Variants in ZNF718 observed in about 807,000 individuals in gnomAD.
ZNF718 encodes zinc finger protein 718.
In ZNF718, 3 loss-of-function variants were observed where a neutral mutation model predicts 2.6. The observed-to-expected ratio is 1.16, with a 90% CI of 0.53 to 3.01. The LOEUF (loss-of-function observed/expected upper bound fraction) is 3.01, where lower values mean the gene tolerates loss of function less well. ZNF718 is among the 30% of genes most tolerant of loss of function. The pLI is 0.03. For synonymous variants in ZNF718, 135 were observed against 77.9 expected (o/e 1.73, Z -3.86); for missense variants, 468 against 230.0 (o/e 2.03, Z -6.69).
At chr4:191,295 C>T (rs1553821185) in intron 3 of ZNF718, among the ~76,000 whole-genome samples, 1 of 151,560 alleles carries the variant, frequency 6.6e-6, no homozygotes, top group African/African-American at 2.4e-5. Flanking sequence ...ACTACAGGCA[C>T]ACACCACGAC....
intron 3 of ZNF718, among the ~76,000 whole-genome samples, chr4:159,601 A>G (rs543719927): frequency 6.6e-6 from 1 of 151,840 alleles, no homozygotes; most frequent in Non-Finnish European, 1.5e-5. Context: ...TACTTTTGAA[A>G]ATGTCTCAGT....
downstream of ZNF718, among the ~76,000 whole-genome samples, chr4:167,593 T>C (rs1015333767): frequency 6.6e-6 from 1 of 152,164 alleles, no homozygotes; most frequent in African/African-American, 2.4e-5. Context: ...TTCCTAGGTA[T>C]TTTATTCTCT....
At chr4:137,624 G>T (rs1715628076) in intron 3 of ZNF718, among the ~76,000 whole-genome samples, 1 of 151,964 alleles carries the variant, frequency 6.6e-6, no homozygotes, top group South Asian at 2.1e-4. Context: ...ATAATTGTTT[G>T]CTGTGTGTAT....
chr4:149,731 T>C (rs1364152461), intron 3 of ZNF718: 1 of 152,166 alleles, frequency 6.6e-6, no homozygotes, highest in Non-Finnish European at 1.5e-5. Flanking sequence ...CATCAGTGTT[T>C]TCTTGTGTAG....
At chr4:189,213 A>C (rs1414253611) in intron 3 of ZNF718, among the ~76,000 whole-genome samples, 5 of 152,156 alleles carry the variant, frequency 3.3e-5, no homozygotes, top group African/African-American at 1.2e-4. Flanking sequence ...GGCATGTGCT[A>C]CCATGCCCGG....
At chr4:148,624 A>T (rs571695181) in intron 3 of ZNF718, among the ~76,000 whole-genome samples, 62 of 151,790 alleles carry the variant, frequency 4.1e-4, no homozygotes, top group Non-Finnish European at 8.2e-4. Flanking sequence ...AAAAAAAAAA[A>T]AAAAAAAAAT....
intron 3 of ZNF718, among the ~76,000 whole-genome samples, chr4:186,953 G>A (rs1717578147): frequency 6.6e-6 from 1 of 152,088 alleles, no homozygotes; most frequent in Non-Finnish European, 1.5e-5. Flanking sequence ...TTGTTGGAGA[G>A]GTGTTGCAGT....
intron 3 of ZNF718, among the ~76,000 whole-genome samples, chr4:190,154 G>C (rs911917819): frequency 9.9e-5 from 15 of 152,220 alleles, no homozygotes; most frequent in African/African-American, 3.4e-4. Context: ...TTCTAGGCCG[G>C]GTGCGGTGGC....
chr4:147,027 G>A (rs782794065), intron 3 of ZNF718, among the ~76,000 whole-genome samples: 2 of 152,060 alleles, frequency 1.3e-5, no homozygotes, highest in African/African-American at 2.4e-5. Context: ...CTAGAGTGCA[G>A]TGGGGTGATC....
At position 163,549 on chromosome 4, in the gene ZNF718, C is replaced by G. The variant is rs1407046420; in HGVS notation, c.*1427C>G. 3 of 152,078 alleles carry G rather than the reference C, an allele frequency of 2.0e-5. No individual in the cohort carries two copies. In the East Asian group the frequency reaches 5.8e-4, roughly 29 times the overall value. The allele number at this position is 152,078 out of a possible 1,614,324, so 9.4% of individuals were successfully genotyped here. A position where few individuals can be genotyped will look rare whatever the true frequency, so the allele number is the denominator to read the frequency against. ...GCATACATCTTTGTGGTTGACTTAT[C>G]ATTGCATGATGCATGACGTACATGT... On this transcript the variant is annotated 3_prime_UTR_variant, in exon 4 of 4. Transcript: ENST00000510175.
intron 3 of ZNF718, among the ~76,000 whole-genome samples, chr4:171,267 C>T (rs879970746): frequency 1.3e-4 from 20 of 152,166 alleles, no homozygotes; most frequent in Non-Finnish European, 2.5e-4. Context: ...GGGGATGCCT[C>T]CCAGTTAGGC....
At chr4:148,598 G>A in intron 3 of ZNF718, among the ~76,000 whole-genome samples, 1 of 135,216 alleles carries the variant, frequency 7.4e-6, no homozygotes, top group East Asian at 2.2e-4. Context: ...GTGACAGAGT[G>A]AGACTCTGTC....
At chr4:194,406 G>A (rs1409014269) in intron 3 of ZNF718, among the ~76,000 whole-genome samples, 2 of 152,192 alleles carry the variant, frequency 1.3e-5, no homozygotes, top group Admixed American at 6.5e-5. Context: ...ATTAGTAAAT[G>A]TCTGTGGCAC....
chr4:197,188 T>C (rs1471368900), intron 3 of ZNF718, among the ~76,000 whole-genome samples: 2 of 151,984 alleles, frequency 1.3e-5, no homozygotes, highest in Non-Finnish European at 2.9e-5. Flanking sequence ...TGTCCTTTAC[T>C]CAGAGGTATC....
chr4:168,932 T>C (rs1400584995), downstream of ZNF718, among the ~76,000 whole-genome samples: 1 of 152,232 alleles, frequency 6.6e-6, no homozygotes, highest in Non-Finnish European at 1.5e-5. Flanking sequence ...CTAGTTCTTT[T>C]AATTGTGATG....
At chr4:179,756 T>G (rs1717427693) in intron 3 of ZNF718, among the ~76,000 whole-genome samples, 1 of 152,188 alleles carries the variant, frequency 6.6e-6, no homozygotes, top group Non-Finnish European at 1.5e-5. Flanking sequence ...ATGTCCGTCT[T>G]TGGCCCAATC....
chr4:189,197 A>G (rs1553820804), intron 3 of ZNF718, among the ~76,000 whole-genome samples: 1 of 151,580 alleles, frequency 6.6e-6, no homozygotes, highest in Non-Finnish European at 1.5e-5. Flanking sequence ...AGAAGCTGGG[A>G]TTACAGGCAT....
intron 3 of ZNF718, among the ~76,000 whole-genome samples, chr4:147,613 C>T (rs995029043): frequency 6.6e-6 from 1 of 152,126 alleles, no homozygotes; most frequent in Non-Finnish European, 1.5e-5. Context: ...AAAAAAATCC[C>T]AGCACTTTGG....
At chr4:175,660 G>T (rs549902978) in intron 3 of ZNF718, among the ~76,000 whole-genome samples, 1 of 151,926 alleles carries the variant, frequency 6.6e-6, no homozygotes, top group Non-Finnish European at 1.5e-5. Flanking sequence ...GCTTTAGTGC[G>T]TCAGCAATGT....
Sources: gnomAD v4.1 joint callset for allele counts (sites outside exome capture counted in the v4.1 genomes callset) on GRCh38, gnomAD v4.1.1 for gene constraint, MANE v1.5 for transcripts, NCBI Gene and HGNC (gene_info 2026-07-23, HGNC 2026-07-21) for gene names.